The following PPP4R4 variants were observed in gnomAD, a reference collection of about 807,000 sequenced individuals.
PPP4R4 encodes serine/threonine-protein phosphatase 4 regulatory subunit 4.
PPP4R4 carries 70 observed loss-of-function variants against 121.8 expected under a neutral mutation model. The observed-to-expected ratio is 0.57, with a 90% CI of 0.47 to 0.70. PPP4R4 has a LOEUF of 0.70. PPP4R4 is among the 30% of genes least tolerant of loss of function. PPP4R4 has a pLI of 0.00. For missense variants in PPP4R4, 875 were observed against 1,033.6 expected (o/e 0.85, Z 2.10); for synonymous variants, 348 against 355.7 (o/e 0.98, Z 0.24).
At chr14:94,245,512 A>T in intron 12 of PPP4R4, 75 bp from the exon 13 acceptor site, 1 of 758,606 alleles carries the variant, frequency 1.3e-6, no homozygotes, top group Non-Finnish European at 2.0e-6. Flanking sequence ...ACTACTATAT[A>T]GAAATTGACA....
chr14:94,207,668 T>C (rs1251175992), intron 2 of PPP4R4, among the ~76,000 whole-genome samples: 1 of 151,672 alleles, frequency 6.6e-6, no homozygotes, highest in Non-Finnish European at 1.5e-5. Context: ...TGATGCCATG[T>C]TTATTAGCAT....
At chr14:94,199,692 T>TCTCCTC (rs1890068367) in intron 2 of PPP4R4, among the ~76,000 whole-genome samples, 1 of 152,074 alleles carries the variant, frequency 6.6e-6, no homozygotes, top group Admixed American at 6.5e-5. Flanking sequence ...TCGGGCTGCT[T>TCTCCTC]AGCAGCCCGC....
rs1408953168 is a variant in PPP4R4, at chr14:94,241,848, T to G, written c.1037T>G (p.Leu346Trp). ...GAATTTTATAAGAAACTTTGTACATTGGGTTTGCAACAAGAAAATGGACAC... is the reference window on the plus strand; with the variant it reads ...GAATTTTATAAGAAACTTTGTACATGGGGTTTGCAACAAGAAAATGGACAC... ...FLEFYKKLCT[L>W]GLQQENGHNE... The change falls in exon 10 of 25, where the codon TTG becomes TGG. Residue 346 changes from leucine to tryptophan, a missense_variant. Transcript: ENST00000304338. 2.5e-6 allele frequency: 4 copies of G among 1,608,996 alleles called. No individual in the cohort carries two copies. The highest frequency in any genetic ancestry group is 3.4e-5 in the Admixed American group (2 of 58,894).
At chr14:94,213,527 A>T (rs1276678699) in intron 3 of PPP4R4, among the ~76,000 whole-genome samples, 1 of 152,210 alleles carries the variant, frequency 6.6e-6, no homozygotes, top group Non-Finnish European at 1.5e-5. Flanking sequence ...AGGGGTCTTT[A>T]CAGATACAGT....
chr14:94,240,840 C>T (rs1892591581), intron 9 of PPP4R4, 45 bp downstream of exon 9: 2 of 1,437,498 alleles, frequency 1.4e-6, no homozygotes, highest in East Asian at 2.7e-5. Flanking sequence ...TAATTTTTCC[C>T]TTTTTTTTCT....
chr14:94,278,251 A>G (rs924653464), intron 24 of PPP4R4, among the ~76,000 whole-genome samples: 3 of 152,212 alleles, frequency 2.0e-5, no homozygotes, highest in Non-Finnish European at 2.9e-5. Context: ...TAAAGGAAGC[A>G]TAGGTATGTT....
intron 3 of PPP4R4, among the ~76,000 whole-genome samples, chr14:94,225,722 T>C (rs925431299): frequency 6.6e-6 from 1 of 152,142 alleles, no homozygotes; most frequent in Non-Finnish European, 1.5e-5. Context: ...TTCTTTCCAG[T>C]TTCCCAGAAT....
At chr14:94,200,629 T>A (rs1890121690) in intron 2 of PPP4R4, among the ~76,000 whole-genome samples, 1 of 152,234 alleles carries the variant, frequency 6.6e-6, no homozygotes, top group Non-Finnish European at 1.5e-5. Context: ...CATAAAGGTG[T>A]TCCCAGTAGC....
At chr14:94,247,604 C>G (rs908288583) in intron 14 of PPP4R4, among the ~76,000 whole-genome samples, 14 of 152,162 alleles carry the variant, frequency 9.2e-5, no homozygotes, top group African/African-American at 3.1e-4. Flanking sequence ...CTGGAAAAGA[C>G]ACAAGAAAAG....
intron 11 of PPP4R4, among the ~76,000 whole-genome samples, chr14:94,242,669 T>C (rs1418326745): frequency 6.6e-6 from 1 of 152,142 alleles, no homozygotes; most frequent in Non-Finnish European, 1.5e-5. Context: ...AAACCAGACA[T>C]TGTGGTAGAT....
chr14:94,269,348 G>C (rs1050309666), intron 23 of PPP4R4, among the ~76,000 whole-genome samples: 1 of 152,072 alleles, frequency 6.6e-6, no homozygotes, highest in Admixed American at 6.6e-5. Flanking sequence ...TTTGGCTGGA[G>C]TGTGGAGTGA....
intron 2 of PPP4R4, among the ~76,000 whole-genome samples, chr14:94,202,786 G>A (rs997027998): frequency 6.6e-6 from 1 of 152,120 alleles, no homozygotes; most frequent in Non-Finnish European, 1.5e-5. Context: ...AGACCATCCT[G>A]GCCAACATGG....
At chr14:94,210,178 C>T (rs1290917354) in intron 3 of PPP4R4, among the ~76,000 whole-genome samples, 1 of 150,650 alleles carries the variant, frequency 6.6e-6, no homozygotes, top group Non-Finnish European at 1.5e-5. Context: ...TCAAAAGATA[C>T]ATTTGATTCT....
intron 3 of PPP4R4, among the ~76,000 whole-genome samples, chr14:94,214,475 A>G (rs1890912598): frequency 6.6e-6 from 1 of 151,746 alleles, no homozygotes; most frequent in Admixed American, 6.6e-5. Context: ...CACTCCAGCT[A>G]GGGCGGCATA....
At chr14:94,239,901 A>G (rs1892537457) in intron 8 of PPP4R4, among the ~76,000 whole-genome samples, 1 of 152,224 alleles carries the variant, frequency 6.6e-6, no homozygotes, top group African/African-American at 2.4e-5. Context: ...TTCTGTAAGA[A>G]ATACAGTGTG....
intron 2 of PPP4R4, among the ~76,000 whole-genome samples, chr14:94,197,009 G>A (rs1889909149): frequency 3.3e-5 from 5 of 152,080 alleles, no homozygotes; most frequent in Admixed American, 3.3e-4. Context: ...GTGTGGTTCA[G>A]GATAGCTTTT....
chr14:94,180,305 T>A (rs1410609504), intron 2 of PPP4R4, among the ~76,000 whole-genome samples: 1 of 152,222 alleles, frequency 6.6e-6, no homozygotes, highest in Non-Finnish European at 1.5e-5. Context: ...ATTAACTTCG[T>A]TTGCTAATAG....
intron 13 of PPP4R4, 82 bp downstream of exon 13, chr14:94,245,752 A>G: frequency 2.0e-6 from 2 of 1,010,494 alleles, no homozygotes; most frequent in Admixed American, 4.9e-5. Context: ...TCAATGAAAG[A>G]ATGTTTGGAA....
At chr14:94,199,430 A>G (rs1243009013) in intron 2 of PPP4R4, among the ~76,000 whole-genome samples, 1 of 152,136 alleles carries the variant, frequency 6.6e-6, no homozygotes, top group East Asian at 1.9e-4. Flanking sequence ...CCCAGTGGGC[A>G]TGTGTTACAG....
Sources: gnomAD v4.1 joint callset for allele counts (sites outside exome capture counted in the v4.1 genomes callset) on GRCh38, gnomAD v4.1.1 for gene constraint, MANE v1.5 for transcripts, NCBI Gene and HGNC (gene_info 2026-07-23, HGNC 2026-07-21) for gene names.